KCNJ12: variants seen among roughly 807,000 people sequenced by gnomAD.
KCNJ12 encodes the protein potassium inwardly rectifying channel subfamily J member 12.
In KCNJ12, 2 loss-of-function variants were observed where a neutral mutation model predicts 22.3. The ratio of observed to expected loss-of-function variants is 0.09; its 90% CI spans 0.04 to 0.28. KCNJ12 has a LOEUF of 0.28. Among genes scored for constraint, KCNJ12 ranks in the 10% least tolerant of loss-of-function variants. KCNJ12 has a pLI of 1.00. For synonymous variants in KCNJ12, 117 were observed against 261.4 expected (o/e 0.45, Z 5.33); for missense variants, 155 against 633.3 (o/e 0.24, Z 8.11).
intron 1 of KCNJ12, among the ~76,000 whole-genome samples, chr17:21,383,436 C>T (rs193274204): frequency 1.5e-4 from 23 of 152,178 alleles, no homozygotes; most frequent in Admixed American, 5.9e-4. Context: ...TTGGCGTGGC[C>T]GGAGGGGGCG....
intron 1 of KCNJ12, among the ~76,000 whole-genome samples, chr17:21,386,112 C>T (rs1555558602): frequency 6.6e-6 from 1 of 152,220 alleles, no homozygotes; most frequent in East Asian, 1.9e-4. Flanking sequence ...GACTGGGTGG[C>T]CTAAAACAGT....
chr17:21,387,109 T>G (rs1164383741), intron 1 of KCNJ12, among the ~76,000 whole-genome samples: 2 of 151,212 alleles, frequency 1.3e-5, no homozygotes, highest in African/African-American at 4.9e-5. Context: ...TGAGCGGAGA[T>G]CGCGCCACTG....
intron 1 of KCNJ12, among the ~76,000 whole-genome samples, chr17:21,407,247 T>A (rs1248034955): frequency 6.6e-6 from 1 of 151,066 alleles, no homozygotes; most frequent in Non-Finnish European, 1.5e-5. Flanking sequence ...CATCCACCCT[T>A]CCATCCCTCT....
At chr17:21,380,055 C>G (rs551278106) in intron 1 of KCNJ12, among the ~76,000 whole-genome samples, 211 of 152,292 alleles carry the variant, frequency 1.4e-3, no homozygotes, top group African/African-American at 4.9e-3. Flanking sequence ...GCACCTTCCC[C>G]CATTCCACAG....
At chr17:21,391,383 A>C (rs1555559291) in intron 1 of KCNJ12, among the ~76,000 whole-genome samples, 1 of 151,936 alleles carries the variant, frequency 6.6e-6, no homozygotes. Flanking sequence ...ACTCCAGGGC[A>C]CCCTTCCTGT....
At chr17:21,403,490 A>G (rs1293292181) in intron 1 of KCNJ12, among the ~76,000 whole-genome samples, 1 of 152,218 alleles carries the variant, frequency 6.6e-6, no homozygotes, top group Non-Finnish European at 1.5e-5. Context: ...TCCTGTGCAC[A>G]TGCTGGCTGC....
intron 1 of KCNJ12, among the ~76,000 whole-genome samples, chr17:21,389,153 C>T (rs535469306): frequency 2.2e-4 from 33 of 152,292 alleles, no homozygotes; most frequent in Admixed American, 2.0e-3. Flanking sequence ...TTCCAGAGGA[C>T]GGGGTCTGAG....
At chr17:21,408,903 A>G (rs1421605254) in intron 2 of KCNJ12, among the ~76,000 whole-genome samples, 31 of 152,408 alleles carry the variant, frequency 2.0e-4, no homozygotes, top group Non-Finnish European at 1.3e-4. Flanking sequence ...CCACCCACCT[A>G]GCCAGTCCAT....
rs1481447249 is a variant in KCNJ12, at chr17:21,416,011, T to C, written c.669T>C (p.Ile223=). The C allele has an allele frequency of 6.2e-7, 1 of 1,611,518 alleles. No individual in the cohort carries two copies. Among genetic ancestry groups the C allele is most frequent in the African/African-American group, 1.3e-5 (1 of 75,048 alleles). Reference sequence around the variant, plus strand: ...TGGGTAACCTGCGCAAGAGCCACATTGTGGAGGCCCATGTGCGCGCGCAGC... The same window carrying C: ...TGGGTAACCTGCGCAAGAGCCACATCGTGGAGGCCCATGTGCGCGCGCAGC... ...WRVGNLRKSH[I]VEAHVRAQLI... The change falls in exon 3 of 3, where the codon ATT becomes ATC. Residue 223 remains isoleucine (I), a synonymous_variant. Transcript: ENST00000583088.
At chr17:21,396,918 C>T (rs376660190) in intron 1 of KCNJ12, among the ~76,000 whole-genome samples, 9 of 152,160 alleles carry the variant, frequency 5.9e-5, no homozygotes, top group Non-Finnish European at 8.8e-5. Flanking sequence ...CGGGGGTCAT[C>T]GTTCAAGGGG....
At chr17:21,414,356 T>C (rs1400619861) in intron 2 of KCNJ12, among the ~76,000 whole-genome samples, 1 of 152,174 alleles carries the variant, frequency 6.6e-6, no homozygotes, top group African/African-American at 2.4e-5. Flanking sequence ...GCACCTATAA[T>C]CCCAGCTGCT....
chr17:21,416,730 G>T lies in KCNJ12; in HGVS notation c.*86G>T. The T allele has an allele frequency of 6.8e-7, 1 of 1,462,552 alleles. No individual in the cohort carries two copies. Among genetic ancestry groups the T allele is most frequent in the Non-Finnish European group, 9.0e-7 (1 of 1,105,386 alleles). The allele number at this position is 1,462,552 out of a possible 1,614,324, so 90.6% of individuals were successfully genotyped here. ...AGGGGCCCCGGGTTTGAGCAGAACG[G>T]GCCCAGTGCCCTGGGTTGCAGACTC... On this transcript the variant is annotated 3_prime_UTR_variant, in exon 3 of 3. Transcript: ENST00000583088.
chr17:21,414,251 G>T (rs553777246), intron 2 of KCNJ12, among the ~76,000 whole-genome samples: 324 of 152,364 alleles, frequency 2.1e-3, no homozygotes, highest in Admixed American at 0.02. Flanking sequence ...GAGGCAGGTG[G>T]ATCACCTGAG....
In KCNJ12 at chr17:21,396,750, C is replaced by T. The variant is rs561887429; in HGVS notation, c.-178-11769C>T. 5.6e-4 allele frequency among the ~76,000 whole-genome samples: 86 copies of T among 152,214 alleles called. 1 individual carries two copies. The highest frequency in any genetic ancestry group is 1.0e-3 in the Non-Finnish European group (68 of 68,028). On this transcript the variant is annotated intron_variant, in intron 1 of 2. Coordinates refer to ENST00000583088, the MANE Select transcript of KCNJ12 (RefSeq NM_021012.5). The stretch of plus-strand genomic sequence containing the variant: ...ACTGGACCCCTGGAGTCACCAGAGC[C>T]GGCCAAGCTGGGCCTCCACCCAGCA...
intron 2 of KCNJ12, among the ~76,000 whole-genome samples, chr17:21,414,402 G>C (rs1357509027): frequency 1.4e-5 from 2 of 138,472 alleles, no homozygotes; most frequent in African/African-American, 5.4e-5. Context: ...TTGAACCCAG[G>C]AGGCGGAGAT....
At chr17:21,385,372 C>G (rs1208203426) in intron 1 of KCNJ12, among the ~76,000 whole-genome samples, 2 of 152,226 alleles carry the variant, frequency 1.3e-5, no homozygotes, top group Non-Finnish European at 2.9e-5. Flanking sequence ...GGCATCTGTT[C>G]TCTCCTTCCC....
intron 2 of KCNJ12, among the ~76,000 whole-genome samples, chr17:21,414,694 T>C (rs1270830329): frequency 5.9e-5 from 9 of 152,282 alleles, no homozygotes. Context: ...GGCGAGGCAG[T>C]GGCAGGATGT....
chr17:21,382,683 C>G (rs1597552717), intron 1 of KCNJ12, among the ~76,000 whole-genome samples: 1 of 152,204 alleles, frequency 6.6e-6, no homozygotes, highest in African/African-American at 2.4e-5. Context: ...TCAGAAAAGA[C>G]AGGGCTGGTG....
chr17:21,391,138 C>T (rs1301754299), intron 1 of KCNJ12, among the ~76,000 whole-genome samples: 2 of 152,234 alleles, frequency 1.3e-5, no homozygotes, highest in East Asian at 1.9e-4. Context: ...GCATCAGCAC[C>T]GCCTTCCTTG....
Sources: gnomAD v4.1 joint callset for allele counts (sites outside exome capture counted in the v4.1 genomes callset) on GRCh38, gnomAD v4.1.1 for gene constraint, MANE v1.5 for transcripts, NCBI Gene and HGNC (gene_info 2026-07-23, HGNC 2026-07-21) for gene names.